CORO1B: variants seen among roughly 807,000 people sequenced by gnomAD.
CORO1B encodes coronin-1B.
Under a neutral mutation model 51.1 loss-of-function variants are expected in CORO1B, and 30 were observed. That is an observed-to-expected ratio of 0.59 (90% CI 0.44 to 0.80). CORO1B has a LOEUF of 0.80. Among genes scored for constraint, CORO1B ranks in the 30% least tolerant of loss-of-function variants. The pLI, the probability that CORO1B is intolerant of heterozygous loss-of-function variation, is 0.00. For synonymous variants in CORO1B, 310 were observed against 289.7 expected, an observed-to-expected ratio of 1.07 and a Z score of -0.71; for missense variants, 648 against 700.4, an observed-to-expected ratio of 0.93 and a Z score of 0.84.
Position 67,438,739 on chromosome 11 carries a change from G to T in CORO1B, c.1276C>A (p.Leu426Ile). 6.4e-7 allele frequency: 1 copy of T among 1,550,960 alleles called. No individual in the cohort carries two copies. Among genetic ancestry groups the T allele is most frequent in the African/African-American group, 1.4e-5 (1 of 73,578 alleles). ...RPAMAPGSSHLGAPASTTTAA... is the reference protein window; with the variant it reads ...RPAMAPGSSHIGAPASTTTAA... ...GTGGTGGTGGAGGCGGGGGCCCCTA[G>T]GTGGGAGGAGCCCGGGGCCATGGCG... The change falls in exon 10 of 11, where the codon CTA becomes ATA. Residue 426 changes from leucine to isoleucine, a missense_variant. By Grantham distance (5) the Leu-to-Ile change is conservative. Coordinates refer to ENST00000341356, the MANE Select transcript of CORO1B (RefSeq NM_020441.3).
At position 67,442,007 on chromosome 11, in the gene CORO1B, C is replaced by T. The variant is rs768338805; in HGVS notation, c.283G>A (p.Asp95Asn). The T allele has an allele frequency of 2.2e-5, 35 of 1,613,136 alleles. No individual in the cohort carries two copies. Among genetic ancestry groups the T allele is most frequent in the Middle Eastern group, 1.6e-4 (1 of 6,084 alleles). The stretch of plus-strand genomic sequence containing the variant: ...TCCGAGCCGCTGGCTATGACTTCGT[C>T]GTTGTGAGGACACCAGTCGATGTCC... ...VLDIDWCPHN[D>N]EVIASGSEDC... is the part of the protein sequence containing the mutation. The change falls in exon 3 of 11, where the codon GAC becomes AAC. Residue 95 changes from aspartate to asparagine, a missense_variant. Coordinates refer to ENST00000341356, the MANE Select transcript of CORO1B (RefSeq NM_020441.3).
At position 67,436,225 on chromosome 11, in the gene CORO1B, G is replaced by GAGC. The variant is rs761732400; in HGVS notation, c.*2148_*2150dup. On this transcript the variant is annotated 3_prime_UTR_variant, in exon 11 of 11. Coordinates refer to ENST00000341356, the MANE Select transcript of CORO1B (RefSeq NM_020441.3). ...GTGCTAGGCCAGTGGCCAGCAGTAG[G>GAGC]AGCAGCAGCAGCAGCAGGACAACGG... 7.8e-5 allele frequency: 120 copies of GAGC among 1,547,670 alleles called. No homozygotes were observed. Among genetic ancestry groups the GAGC allele is most frequent in the East Asian group, 3.4e-4 (14 of 41,190 alleles).
At position 67,438,004 on chromosome 11, in the gene CORO1B, T is replaced by G; in HGVS notation, c.*372A>C. 1 of 352,044 alleles carries G rather than the reference T, an allele frequency of 2.8e-6. No individual in the cohort carries two copies. Among genetic ancestry groups the G allele is most frequent in the Non-Finnish European group, 5.1e-6 (1 of 195,294 alleles). The allele number at this position is 352,044 out of a possible 1,614,324, so 21.8% of individuals were successfully genotyped here. A position where few individuals can be genotyped will look rare whatever the true frequency, so the allele number is the denominator to read the frequency against. On this transcript the variant is annotated 3_prime_UTR_variant, in exon 11 of 11. Coordinates refer to ENST00000341356, the MANE Select transcript of CORO1B (RefSeq NM_020441.3). ...TCCTGTGACATCCTCTGTCTCCAGG[T>G]TTCCAGACTTCTCAGCCCCACCCTT... is the stretch of plus-strand genomic sequence containing the variant.
At chr11:67,439,655 G>A in intron 9 of CORO1B, 131 bp downstream of exon 9, 1 of 987,974 alleles carries the variant, frequency 1.0e-6, no homozygotes, top group Non-Finnish European at 1.5e-6. Context: ...AGGGCAAGCT[G>A]GCATCTGTCC....
Position 67,438,912 on chromosome 11 carries a change from G to T in CORO1B, c.1103C>A (p.Ala368Asp). The T allele has an allele frequency of 6.2e-7, 1 of 1,609,204 alleles. No individual in the cohort carries two copies. The change falls in exon 10 of 11, where the codon GCC becomes GAC. Residue 368 changes from alanine (A) to aspartate (D), a missense_variant. Physicochemically the swap from Ala to Asp is moderately radical, Grantham distance 126. Transcript: ENST00000341356. ...LFQDDLYPDT[A>D]GPEAALEAEE... ...AGCCTCCAGGGCTGCCTCGGGCCCG[G>T]CTGTGTCGGGGTACAGATCATCCTG...
rs1318716658 is a variant in CORO1B, at chr11:67,440,315, C to A, written c.861+20G>T. 1 of 1,612,934 alleles carries A rather than the reference C, an allele frequency of 6.2e-7. No individual in the cohort carries two copies. The highest frequency in any genetic ancestry group is 2.2e-5 in the East Asian group (1 of 44,858). On this transcript the variant is annotated intron_variant, in intron 7 of 10. Transcript: ENST00000341356. ...GGGCACGCCTCTTCCCTGCCCCTCG[C>A]CAGCCCTGCCCAGCCCCACCTTGCC...
At position 67,438,673 on chromosome 11, in the gene CORO1B, C is replaced by G; in HGVS notation, c.1342G>C (p.Gly448Arg). Reference sequence around the variant, plus strand: ...CACCCCTGCCTGCGCGTGCATACCCCGGCTCTGGCCAGGCTGCCGCTGGGG... The same window carrying G: ...CACCCCTGCCTGCGCGTGCATACCCGGGCTCTGGCCAGGCTGCCGCTGGGG... ...ATPSGSLARA[G>R]EAGKLEEVMQ... Residue 448 changes from glycine (G) to arginine (R), a missense_variant and splice_region_variant, in exon 10 of 11, where the codon GGG becomes CGG. Transcript: ENST00000341356. 6.5e-7 allele frequency: 1 copy of G among 1,537,274 alleles called. No homozygotes were observed. Among genetic ancestry groups the G allele is most frequent in the East Asian group, 2.4e-5 (1 of 41,124 alleles).
In CORO1B at chr11:67,436,077, C is replaced by A. The variant is rs1864266129; in HGVS notation, c.*2299G>T. 1 of 1,612,222 alleles carries A rather than the reference C, an allele frequency of 6.2e-7. No homozygotes were observed. Among genetic ancestry groups the A allele is most frequent in the Non-Finnish European group, 8.5e-7 (1 of 1,179,468 alleles). ...TCTGTGGACCCCAGCTCAGCTCGGG[C>A]CTGCAGCCAGCGACCTGGGGGGCTG... On this transcript the variant is annotated 3_prime_UTR_variant, in exon 11 of 11. Transcript: ENST00000341356.
chr11:67,438,568 CCCA>C, intron 10 of CORO1B, 67 bp from the exon 11 acceptor site: 8 of 1,558,610 alleles, frequency 5.1e-6, no homozygotes, highest in Middle Eastern at 1.7e-4. Flanking sequence ...CCCTCCCAAA[CCCA>C]CCACTACCCC....
rs1026110671 is a variant in CORO1B at position 67,437,825 on chromosome 11, C to A, written c.*551G>T. On this transcript the variant is annotated 3_prime_UTR_variant, in exon 11 of 11. Coordinates refer to ENST00000341356, the MANE Select transcript of CORO1B (RefSeq NM_020441.3). Reference sequence around the variant, plus strand: ...TCTGGAGGAGGCTGGGCTGCCGGGCCTGTCCTCCAAGGAAGAAGCAGCACC... The same window carrying A: ...TCTGGAGGAGGCTGGGCTGCCGGGCATGTCCTCCAAGGAAGAAGCAGCACC... 9.2e-6 allele frequency: 4 copies of A among 433,504 alleles called. No homozygotes were observed. The highest frequency in any genetic ancestry group is 1.6e-5 in the Non-Finnish European group (4 of 256,568). 26.9% of individuals were successfully genotyped at this position (433,504 alleles called of 1,614,324 possible). A position where few individuals can be genotyped will look rare whatever the true frequency, so the allele number is the denominator to read the frequency against.
chr11:67,438,626 C>A, intron 10 of CORO1B, 45 bp downstream of exon 10: 1 of 1,516,228 alleles, frequency 6.6e-7, no homozygotes. Context: ...CAGGCCAGGG[C>A]CACACCTGGG....
At position 67,437,792 on chromosome 11, in the gene CORO1B, C is replaced by A; in HGVS notation, c.*584G>T. 1 of 599,794 alleles carries A rather than the reference C, an allele frequency of 1.7e-6. No individual in the cohort carries two copies. Among genetic ancestry groups the A allele is most frequent in the Non-Finnish European group, 2.5e-6 (1 of 402,728 alleles). 37.2% of individuals were successfully genotyped at this position (599,794 alleles called of 1,614,324 possible). A position where few individuals can be genotyped will look rare whatever the true frequency, so the allele number is the denominator to read the frequency against. On this transcript the variant is annotated 3_prime_UTR_variant, in exon 11 of 11. Coordinates refer to ENST00000341356, the MANE Select transcript of CORO1B (RefSeq NM_020441.3). ...ACCCCTGGTCCACACCAGACCCTCC[C>A]CAGTCTCTCTGGAGGAGGCTGGGCT... is the stretch of plus-strand genomic sequence containing the variant.
rs1449379579 is a variant in CORO1B, at chr11:67,435,793, T to C, written c.*2583A>G. The C allele has an allele frequency of 6.3e-7, 1 of 1,590,834 alleles. No homozygotes were observed. The highest frequency in any genetic ancestry group is 1.7e-5 in the Admixed American group (1 of 58,948). On this transcript the variant is annotated 3_prime_UTR_variant, in exon 11 of 11. Coordinates refer to ENST00000341356, the MANE Select transcript of CORO1B (RefSeq NM_020441.3). ...CTGCCCTGGCGCTGTCATCCCAGGC[T>C]GCGCTGCCAGCAAAGGCGTGCAGGT...
chr11:67,443,044 A>G (rs1366633691), intron 1 of CORO1B, among the ~76,000 whole-genome samples: 1 of 152,172 alleles, frequency 6.6e-6, no homozygotes, highest in African/African-American at 2.4e-5. Flanking sequence ...GGAGAGAGGA[A>G]GCAGGAAAAG....
chr11:67,441,422 T>C lies in CORO1B; in HGVS notation c.547A>G (p.Ser183Gly), dbSNP rs768622527. Reference protein sequence around the residue: ...SLHPDLIYNVSWNHNGSLFCS... With the variant: ...SLHPDLIYNVGWNHNGSLFCS... Reference sequence around the variant, plus strand: ...AACAGGCTGCCATTGTGGTTCCAGCTGACATTGTAGATGAGGTCAGGGTGC... The same window carrying C: ...AACAGGCTGCCATTGTGGTTCCAGCCGACATTGTAGATGAGGTCAGGGTGC... The change falls in exon 5 of 11, where the codon AGC becomes GGC. Residue 183 changes from serine (S) to glycine (G), a missense_variant. By Grantham distance (56) the Ser-to-Gly change is moderately conservative. Transcript: ENST00000341356. The C allele has an allele frequency of 6.2e-7, 1 of 1,613,922 alleles. No individual in the cohort carries two copies. The highest frequency in any genetic ancestry group is 2.2e-5 in the East Asian group (1 of 44,882).
In CORO1B at chr11:67,437,863, G is replaced by A; in HGVS notation, c.*513C>T. Reference sequence around the variant, plus strand: ...AAGAAGCAGCACCAACTTGAAGCTGGATGCAGCCTTGCATGTGTTCTCAGG... The same window carrying A: ...AAGAAGCAGCACCAACTTGAAGCTGAATGCAGCCTTGCATGTGTTCTCAGG... On this transcript the variant is annotated 3_prime_UTR_variant, in exon 11 of 11. Transcript: ENST00000341356. The A allele has an allele frequency of 2.5e-6, 1 of 397,112 alleles. No homozygotes were observed. The allele number at this position is 397,112 out of a possible 1,614,324, so 24.6% of individuals were successfully genotyped here.
At chr11:67,442,407 C>G in intron 2 of CORO1B, 21 bp downstream of exon 2, 1 of 1,611,054 alleles carries the variant, frequency 6.2e-7, no homozygotes, top group African/African-American at 1.3e-5. Flanking sequence ...CTCCTCTTCC[C>G]CCAACCCTGA....
At chr11:67,440,839 G>T (rs1226488330) in intron 6 of CORO1B, 2 of 661,598 alleles carry the variant, frequency 3.0e-6, no homozygotes, top group East Asian at 5.8e-5. Context: ...GGGGAGCCCT[G>T]TGCAGGCAGT....
chr11:67,441,994 G>T lies in CORO1B; in HGVS notation c.296C>A (p.Ala99Asp). 1.2e-6 allele frequency: 2 copies of T among 1,613,298 alleles called. No homozygotes were observed. Among genetic ancestry groups the T allele is most frequent in the Non-Finnish European group, 1.7e-6 (2 of 1,180,022 alleles). ...DWCPHNDEVI[A>D]SGSEDCTVMV... is the part of the protein sequence containing the mutation. ...GACCGTGCAGTCCTCCGAGCCGCTGGCTATGACTTCGTCGTTGTGAGGACA... is the reference window on the plus strand; with the variant it reads ...GACCGTGCAGTCCTCCGAGCCGCTGTCTATGACTTCGTCGTTGTGAGGACA... The change falls in exon 3 of 11, where the codon GCC (alanine) becomes GAC (aspartate). Residue 99 changes from alanine (A) to aspartate (D), a missense_variant. Transcript: ENST00000341356.
Sources: allele counts gnomAD v4.1 joint callset (sites outside exome capture counted in the v4.1 genomes callset), GRCh38; gene constraint gnomAD v4.1.1; transcripts MANE v1.5; gene names NCBI Gene and HGNC (gene_info 2026-07-23, HGNC 2026-07-21).